Variants in RARB observed in about 807,000 individuals in gnomAD.
The protein encoded by RARB is retinoic acid receptor beta.
Under a neutral mutation model 51.9 loss-of-function variants are expected in RARB, and 17 were observed. The ratio of observed to expected loss-of-function variants is 0.33; its 90% CI spans 0.22 to 0.49. The LOEUF is 0.49. RARB is among the 20% of genes least tolerant of loss of function. The pLI is 0.99. For synonymous variants in RARB, 215 were observed against 195.4 expected (o/e 1.10, Z -0.84); for missense variants, 369 against 550.8 (o/e 0.67, Z 3.30).
chr3:25,073,383 A>G (rs1698809562), intron 3 of RARB, among the ~76,000 whole-genome samples: 4 of 152,194 alleles, frequency 2.6e-5, no homozygotes, highest in Admixed American at 2.6e-4. Flanking sequence ...GATAATCTCT[A>G]TGTTAGGATG....
At chr3:24,896,455 T>A (rs1262127793) in intron 2 of RARB, among the ~76,000 whole-genome samples, 2 of 152,056 alleles carry the variant, frequency 1.3e-5, no homozygotes, top group African/African-American at 2.4e-5. Context: ...GAGACAGGGT[T>A]TCACAGTGTT....
chr3:25,148,030 T>G (rs1452793056), intron 4 of RARB, among the ~76,000 whole-genome samples: 1 of 152,264 alleles, frequency 6.6e-6, no homozygotes, highest in Non-Finnish European at 1.5e-5. Flanking sequence ...CTGCCTTGTC[T>G]ACAGACTACT....
At chr3:25,204,065 C>G (rs1331236598) in intron 5 of RARB, among the ~76,000 whole-genome samples, 1 of 152,200 alleles carries the variant, frequency 6.6e-6, no homozygotes, top group Non-Finnish European at 1.5e-5. Flanking sequence ...TTCGGGTACA[C>G]CAATCAGATG....
chr3:25,460,575 G>C (rs1018188921), intron 1 of RARB, among the ~76,000 whole-genome samples: 1 of 151,878 alleles, frequency 6.6e-6, no homozygotes, highest in East Asian at 1.9e-4. Flanking sequence ...AGCCTCCTGA[G>C]TAGCTGGGAT....
intron 3 of RARB, among the ~76,000 whole-genome samples, chr3:25,562,950 G>A (rs893001009): frequency 5.9e-5 from 9 of 152,180 alleles, no homozygotes; most frequent in East Asian, 3.9e-4. Flanking sequence ...AGTATTTGAC[G>A]TCTGTATATT....
chr3:25,184,019 G>A (rs1325187530), intron 5 of RARB, among the ~76,000 whole-genome samples: 1 of 152,086 alleles, frequency 6.6e-6, no homozygotes, highest in Admixed American at 6.6e-5. Context: ...CTTTACTAAA[G>A]GATTCTGGCC....
At chr3:25,344,460 C>T (rs924684300) in intron 5 of RARB, among the ~76,000 whole-genome samples, 12 of 152,148 alleles carry the variant, frequency 7.9e-5, no homozygotes, top group Non-Finnish European at 1.6e-4. Flanking sequence ...CACTCTACTG[C>T]GGTATGCCTA....
At chr3:25,584,524 T>C (rs1466553581) in intron 5 of RARB, among the ~76,000 whole-genome samples, 1 of 151,490 alleles carries the variant, frequency 6.6e-6, no homozygotes, top group South Asian at 2.1e-4. Flanking sequence ...ATGGGAGGGG[T>C]GTGTGAGTCG....
At chr3:25,115,259 A>G (rs953432011) in intron 3 of RARB, among the ~76,000 whole-genome samples, 1 of 152,208 alleles carries the variant, frequency 6.6e-6, no homozygotes, top group African/African-American at 2.4e-5. Context: ...AAGAAGTATA[A>G]CATTTAACAT....
chr3:25,275,737 G>A (rs1703366610), intron 5 of RARB, among the ~76,000 whole-genome samples: 1 of 151,160 alleles, frequency 6.6e-6, no homozygotes, highest in African/African-American at 2.4e-5. Flanking sequence ...AGAACACTTG[G>A]ACACAGGAAG....
At chr3:25,356,043 G>T (rs1287202503) in intron 5 of RARB, among the ~76,000 whole-genome samples, 2 of 152,060 alleles carry the variant, frequency 1.3e-5, no homozygotes, top group African/African-American at 2.4e-5. Context: ...CAAGTTAATA[G>T]AAAGGAGATG....
chr3:25,154,050 C>T (rs1324579723), intron 4 of RARB, among the ~76,000 whole-genome samples: 1 of 152,310 alleles, frequency 6.6e-6, no homozygotes, highest in East Asian at 1.9e-4. Flanking sequence ...ATGCTTTTCA[C>T]TTTTATTATG....
chr3:25,346,771 C>T (rs1205175327), intron 5 of RARB, among the ~76,000 whole-genome samples: 3 of 152,140 alleles, frequency 2.0e-5, no homozygotes, highest in Non-Finnish European at 4.4e-5. Context: ...GGGGACATGG[C>T]CCACTGGTCA....
intron 3 of RARB, among the ~76,000 whole-genome samples, chr3:25,097,693 A>G (rs940852620): frequency 2.0e-5 from 3 of 152,162 alleles, no homozygotes; most frequent in South Asian, 4.1e-4. Flanking sequence ...AGTGCCACCA[A>G]TAAATTCCTG....
At chr3:25,335,008 AG>A (rs911284738) in intron 5 of RARB, among the ~76,000 whole-genome samples, 1 of 152,072 alleles carries the variant, frequency 6.6e-6, no homozygotes, top group Admixed American at 6.6e-5. Context: ...GGAGAGACAG[AG>A]GTTAGAGGAG....
At chr3:25,501,160 T>A (rs1697294853) in intron 2 of RARB, 22 bp from the exon 3 acceptor site, 1 of 1,563,842 alleles carries the variant, frequency 6.4e-7, no homozygotes. Flanking sequence ...CTGAGTTTTT[T>A]CATCTTCTTG....
At chr3:25,501,471 A>G in intron 3 of RARB, 148 bp downstream of exon 3, 1 of 1,003,432 alleles carries the variant, frequency 1.0e-6, no homozygotes, top group Non-Finnish European at 1.4e-6. Flanking sequence ...ATGGGGATTG[A>G]TATGGAGATT....
chr3:25,359,738 T>C (rs1705869069), intron 5 of RARB, among the ~76,000 whole-genome samples: 2 of 152,232 alleles, frequency 1.3e-5, no homozygotes, highest in South Asian at 4.1e-4. Flanking sequence ...ATTTACCCAG[T>C]AGTCATTCAG....
At chr3:25,291,222 C>T (rs890511383) in intron 5 of RARB, among the ~76,000 whole-genome samples, 1 of 152,164 alleles carries the variant, frequency 6.6e-6, no homozygotes, top group African/African-American at 2.4e-5. Flanking sequence ...TATATATCTT[C>T]CCTCAGGTCA....
Sources: allele counts gnomAD v4.1 joint callset (sites outside exome capture counted in the v4.1 genomes callset), GRCh38; gene constraint gnomAD v4.1.1; transcripts MANE v1.5; gene names NCBI Gene and HGNC (gene_info 2026-07-23, HGNC 2026-07-21).